TRAPPC9: variants seen among roughly 807,000 people sequenced by gnomAD.
The protein encoded by TRAPPC9 is IKK2 binding protein.
TRAPPC9 carries 83 observed loss-of-function variants against 124.0 expected under a neutral mutation model. The observed-to-expected ratio is 0.67, with a 90% confidence interval of 0.56 to 0.80. TRAPPC9 has a LOEUF of 0.80. Ranked by LOEUF, TRAPPC9 falls within the 30% of genes least tolerant of loss-of-function variation. TRAPPC9 has a pLI of 0.00. For synonymous variants in TRAPPC9, 638 were observed against 617.5 expected, an observed-to-expected ratio of 1.03 and a Z score of -0.49; for missense variants, 1,302 against 1,508.3, an observed-to-expected ratio of 0.86 and a Z score of 2.27.
At chr8:140,265,125 A>G (rs1466843159) in intron 15 of TRAPPC9, among the ~76,000 whole-genome samples, 8 of 152,198 alleles carry the variant, frequency 5.3e-5, no homozygotes, top group African/African-American at 1.7e-4. Flanking sequence ...AGAAACCAGG[A>G]GGGCAACAGG....
At chr8:140,123,526 T>C (rs1371319582) in intron 17 of TRAPPC9, among the ~76,000 whole-genome samples, 1 of 152,122 alleles carries the variant, frequency 6.6e-6, no homozygotes, top group East Asian at 1.9e-4. Context: ...CATGGGCATC[T>C]GGGGTACTGA....
rs77821713 is a variant in TRAPPC9, at chr8:140,033,387, A to G, written c.2557-9308T>C. ...CAAATGTGTAGAAACAAATCTCGGC[A>G]TTGACCATACATTATTTTGAGGTGG... is the stretch of plus-strand genomic sequence containing the variant. On this transcript the variant is annotated intron_variant, in intron 17 of 22. Transcript: ENST00000438773. 5.9e-3 allele frequency among the ~76,000 whole-genome samples: 899 copies of G among 152,326 alleles called. 12 individuals are homozygous for G. The highest frequency in any genetic ancestry group is 0.02 in the African/African-American group (850 of 41,574).
At chr8:139,964,814 A>G (rs1052480219) in intron 19 of TRAPPC9, among the ~76,000 whole-genome samples, 2 of 152,218 alleles carry the variant, frequency 1.3e-5, no homozygotes, top group Non-Finnish European at 2.9e-5. Flanking sequence ...TAATTTCCCT[A>G]AAGTACTATT....
chr8:140,157,157 AG>A lies in TRAPPC9; in HGVS notation c.2556+64301del, dbSNP rs1281504087. ...ATTCAGAAGCCTCCCTTTTCCATTC[AG>A]AAGCCTCCCTTTTCCATTCAAAAGC... On this transcript the variant is annotated intron_variant, in intron 17 of 22. Transcript: ENST00000438773. 5.7e-4 allele frequency among the ~76,000 whole-genome samples: 65 copies of A among 114,484 alleles called. 14 individuals carry two copies. Among genetic ancestry groups the A allele is most frequent in the African/African-American group, 1.9e-3 (53 of 28,502 alleles). The allele number at this position is 114,484 out of a possible 152,430, so 75.1% of individuals were successfully genotyped here. A position where few individuals can be genotyped will look rare whatever the true frequency, so the allele number is the denominator to read the frequency against.
chr8:139,745,135 G>A (rs548554140), intron 21 of TRAPPC9, among the ~76,000 whole-genome samples: 6 of 152,326 alleles, frequency 3.9e-5, no homozygotes, highest in South Asian at 4.1e-4. Context: ...GTGAAACACC[G>A]TCACCAACAC....
chr8:140,077,780 C>A (rs548162059), intron 17 of TRAPPC9, among the ~76,000 whole-genome samples: 1 of 151,966 alleles, frequency 6.6e-6, no homozygotes. Flanking sequence ...GCAATGCAGG[C>A]GGAAGAATGA....
At chr8:139,975,924 A>G (rs946972104) in intron 19 of TRAPPC9, among the ~76,000 whole-genome samples, 5 of 136,156 alleles carry the variant, frequency 3.7e-5, no homozygotes, top group Non-Finnish European at 7.8e-5. Flanking sequence ...GAGAAAGGAC[A>G]GTCTTTTTTT....
intron 5 of TRAPPC9, among the ~76,000 whole-genome samples, chr8:140,411,676 T>C (rs543285735): frequency 6.6e-6 from 1 of 152,158 alleles, no homozygotes; most frequent in Non-Finnish European, 1.5e-5. Flanking sequence ...AAAGTAAACA[T>C]ATGTTCAATA....
chr8:140,395,084 C>T (rs1169763097), intron 7 of TRAPPC9, among the ~76,000 whole-genome samples: 2 of 152,210 alleles, frequency 1.3e-5, no homozygotes, highest in Non-Finnish European at 2.9e-5. Flanking sequence ...GTGTCAGGTT[C>T]CCGCTTCTGA....
chr8:139,871,559 A>T (rs531047979), intron 21 of TRAPPC9, among the ~76,000 whole-genome samples: 1 of 152,304 alleles, frequency 6.6e-6, no homozygotes, highest in South Asian at 2.1e-4. Flanking sequence ...TGGAATCTGA[A>T]TCAAATGATG....
intron 21 of TRAPPC9, among the ~76,000 whole-genome samples, chr8:139,829,935 G>A (rs1029675323): frequency 2.0e-5 from 3 of 152,192 alleles, no homozygotes; most frequent in African/African-American, 4.8e-5. Context: ...CACAGACCAC[G>A]CACTTCCCAG....
intron 17 of TRAPPC9, among the ~76,000 whole-genome samples, chr8:140,149,555 G>T (rs1232505725): frequency 6.6e-6 from 1 of 151,940 alleles, no homozygotes; most frequent in African/African-American, 2.4e-5. Context: ...AGGAGGCGGA[G>T]GTAGTGGTGA....
At chr8:140,162,390 T>C (rs974238446) in intron 17 of TRAPPC9, among the ~76,000 whole-genome samples, 4 of 152,164 alleles carry the variant, frequency 2.6e-5, no homozygotes, top group Non-Finnish European at 5.9e-5. Context: ...CTACGTACTC[T>C]AACCTAGGCC....
chr8:140,104,219 G>A lies in TRAPPC9; in HGVS notation c.2557-80140C>T, dbSNP rs1563764336. On this transcript the variant is annotated intron_variant, in intron 17 of 22. Coordinates refer to ENST00000438773, the MANE Select transcript of TRAPPC9 (RefSeq NM_001160372.4). The surrounding 1 kb of genome is among the most constrained non-coding windows in gnomAD (Gnocchi z 4.0). ...TGCTACACTGTATGCCAGGGCTGTC[G>A]GCTGTAAGCATAGAGCTATGGAGCC... Among the ~76,000 whole-genome samples, 2 of 152,094 alleles carry A rather than the reference G, an allele frequency of 1.3e-5. No homozygotes were observed. Among genetic ancestry groups the A allele is most frequent in the Admixed American group, 6.5e-5 (1 of 15,274 alleles).
intron 17 of TRAPPC9, among the ~76,000 whole-genome samples, chr8:140,045,514 C>A (rs941676350): frequency 2.0e-5 from 3 of 151,440 alleles, no homozygotes; most frequent in Non-Finnish European, 2.9e-5. Flanking sequence ...GTAGTCCCAG[C>A]TACTCGGGAA....
intron 9 of TRAPPC9, among the ~76,000 whole-genome samples, chr8:140,350,187 A>G (rs2067511954): frequency 6.6e-6 from 1 of 152,242 alleles, no homozygotes; most frequent in Non-Finnish European, 1.5e-5. Flanking sequence ...TCTGAAAATA[A>G]CATTTTCTGA....
At chr8:140,367,334 C>A (rs754762351) in intron 8 of TRAPPC9, among the ~76,000 whole-genome samples, 1 of 152,160 alleles carries the variant, frequency 6.6e-6, no homozygotes, top group Non-Finnish European at 1.5e-5. Context: ...AACCAAGATT[C>A]ATTAGGTGAA....
chr8:139,932,875 G>C, intron 19 of TRAPPC9: 1 of 248,726 alleles, frequency 4.0e-6, no homozygotes, highest in Non-Finnish European at 7.9e-6. Context: ...CTGACATTTA[G>C]GAATAGTCTG....
chr8:140,404,704 G>A (rs183442333), intron 6 of TRAPPC9, among the ~76,000 whole-genome samples: 5 of 151,944 alleles, frequency 3.3e-5, no homozygotes, highest in African/African-American at 4.8e-5. Flanking sequence ...GCATGTGTGC[G>A]CACATGTGAG....
Sources: gnomAD v4.1 joint callset for allele counts (sites outside exome capture counted in the v4.1 genomes callset) on GRCh38, gnomAD v4.1.1 for gene constraint, Gnocchi (gnomAD v3.1) non-coding constraint, MANE v1.5 for transcripts, NCBI Gene and HGNC (gene_info 2026-07-23, HGNC 2026-07-21) for gene names.